Variants in SPOCK1 observed in about 807,000 individuals in gnomAD.
The protein encoded by SPOCK1 is SPARC (osteonectin), cwcv and kazal like domains proteoglycan 1.
A neutral mutation model predicts 55.3 loss-of-function variants in SPOCK1; 23 were observed. The ratio of observed to expected loss-of-function variants is 0.42; its 90% CI spans 0.30 to 0.59. SPOCK1 has a LOEUF of 0.59. Ranked by LOEUF, SPOCK1 falls within the 20% of genes least tolerant of loss-of-function variation. SPOCK1 has a pLI of 0.22. For synonymous variants in SPOCK1, 226 were observed against 221.0 expected, an observed-to-expected ratio of 1.02 and a Z score of -0.20; for missense variants, 499 against 552.5, an observed-to-expected ratio of 0.90 and a Z score of 0.97.
chr5:137,350,209 G>T (rs1179021897), intron 2 of SPOCK1, among the ~76,000 whole-genome samples: 1 of 152,154 alleles, frequency 6.6e-6, no homozygotes, highest in Non-Finnish European at 1.5e-5. Context: ...ATGGACAGAA[G>T]GAGAGCTGAG....
intron 2 of SPOCK1, among the ~76,000 whole-genome samples, chr5:137,359,314 G>A (rs906486265): frequency 6.6e-6 from 1 of 152,068 alleles, no homozygotes; most frequent in East Asian, 1.9e-4. Flanking sequence ...AATTGCCCAC[G>A]GGAAGGTGAG....
At chr5:137,450,513 G>A (rs550685033) in intron 2 of SPOCK1, among the ~76,000 whole-genome samples, 1 of 152,212 alleles carries the variant, frequency 6.6e-6, no homozygotes, top group Non-Finnish European at 1.5e-5. Context: ...TGACTTCATG[G>A]GTGTGTGACC....
At chr5:137,266,456 C>G (rs186993528) in intron 3 of SPOCK1, among the ~76,000 whole-genome samples, 11 of 152,266 alleles carry the variant, frequency 7.2e-5, no homozygotes, top group Admixed American at 2.6e-4. Context: ...TTGATGCTTG[C>G]TGGGGGAATG....
chr5:137,480,264 C>T (rs1265136134), intron 2 of SPOCK1, among the ~76,000 whole-genome samples: 2 of 150,812 alleles, frequency 1.3e-5, no homozygotes, highest in Non-Finnish European at 3.0e-5. Context: ...GTGTTTATGA[C>T]TGGTCTTAGA....
At position 137,140,615 on chromosome 5, in the gene SPOCK1, G is replaced by T. The variant is rs762294131; in HGVS notation, c.312C>A (p.Thr104=). ...GGTGCTTGCGGCTGACACACAGGGC[G>T]GTCTGGTAGTCCTGGGTCACACACA... ...HKVCVTQDYQ[T]ALCVSRKHLL... Residue 104 remains threonine, a synonymous_variant, in exon 4 of 11, where the codon ACC becomes ACA. Coordinates refer to ENST00000394945, the MANE Select transcript of SPOCK1 (RefSeq NM_004598.4). 7 of 1,613,902 alleles carry T rather than the reference G, an allele frequency of 4.3e-6. No individual in the cohort carries two copies. The highest frequency in any genetic ancestry group is 3.4e-6 in the Non-Finnish European group (4 of 1,179,960).
At chr5:137,358,322 C>G (rs1042285403) in intron 2 of SPOCK1, among the ~76,000 whole-genome samples, 5 of 151,650 alleles carry the variant, frequency 3.3e-5, no homozygotes, top group African/African-American at 4.9e-5. Flanking sequence ...GAGGACACAG[C>G]CTTGACCCAG....
chr5:137,039,434 T>G (rs921895505), intron 6 of SPOCK1, among the ~76,000 whole-genome samples: 1 of 152,186 alleles, frequency 6.6e-6, no homozygotes, highest in Non-Finnish European at 1.5e-5. Context: ...TAATGATCCA[T>G]TGAGTACTTG....
At chr5:137,028,933 T>C (rs934065839) in intron 6 of SPOCK1, among the ~76,000 whole-genome samples, 1 of 152,180 alleles carries the variant, frequency 6.6e-6, no homozygotes, top group Non-Finnish European at 1.5e-5. Flanking sequence ...CCTCAGTCCA[T>C]GGATGGTCAT....
At chr5:137,117,242 A>G (rs1447230367) in intron 4 of SPOCK1, among the ~76,000 whole-genome samples, 1 of 152,162 alleles carries the variant, frequency 6.6e-6, no homozygotes, top group East Asian at 1.9e-4. Context: ...GTGTCATGCA[A>G]ATTCAAGTCT....
At chr5:137,218,056 T>C (rs972074050) in intron 3 of SPOCK1, among the ~76,000 whole-genome samples, 2 of 152,146 alleles carry the variant, frequency 1.3e-5, no homozygotes, top group African/African-American at 2.4e-5. Flanking sequence ...AAGGCAGACA[T>C]GGCTAATCAA....
At chr5:137,302,579 A>AAAAT (rs56375242) in intron 2 of SPOCK1, among the ~76,000 whole-genome samples, 10,731 of 141,076 alleles carry the variant, frequency 0.076, 488 homozygotes, top group African/African-American at 0.12. Context: ...TCCATCTCAA[A>AAAAT]AAATAAATAA....
chr5:137,294,185 G>A (rs545555916), intron 2 of SPOCK1, among the ~76,000 whole-genome samples: 2 of 151,392 alleles, frequency 1.3e-5, no homozygotes, highest in East Asian at 1.9e-4. Flanking sequence ...CTTCTTTATC[G>A]AACCATATGG....
chr5:137,400,269 G>A (rs1468333506), intron 2 of SPOCK1, among the ~76,000 whole-genome samples: 1 of 152,152 alleles, frequency 6.6e-6, no homozygotes, highest in East Asian at 1.9e-4. Context: ...CTTGTAGCCT[G>A]TCACCACAAA....
chr5:137,024,314 A>AGGCGGGGGGGGG (rs71583270), intron 6 of SPOCK1, among the ~76,000 whole-genome samples: 1 of 119,262 alleles, frequency 8.4e-6, no homozygotes, highest in African/African-American at 3.2e-5. Context: ...ACCAGTTTGA[A>AGGCGGGGGGGGG]GGGGGGGGGG....
chr5:137,367,754 C>T (rs1323149862), intron 2 of SPOCK1, among the ~76,000 whole-genome samples: 1 of 152,232 alleles, frequency 6.6e-6, no homozygotes, highest in Admixed American at 6.5e-5. Flanking sequence ...TTCTCTTTCA[C>T]GTTGGAACCA....
intron 4 of SPOCK1, among the ~76,000 whole-genome samples, chr5:137,113,688 T>C (rs1297637776): frequency 6.6e-6 from 1 of 152,108 alleles, no homozygotes; most frequent in Non-Finnish European, 1.5e-5. Context: ...GCCTGCAAAA[T>C]AGGAAGCAGT....
intron 3 of SPOCK1, among the ~76,000 whole-genome samples, chr5:137,141,674 T>C (rs1045864019): frequency 6.6e-6 from 1 of 152,188 alleles, no homozygotes; most frequent in African/African-American, 2.4e-5. Context: ...AATATGTGAA[T>C]TGGATCTTGA....
chr5:137,467,000 G>T (rs1020400958), intron 2 of SPOCK1, among the ~76,000 whole-genome samples: 1 of 152,232 alleles, frequency 6.6e-6, no homozygotes, highest in Non-Finnish European at 1.5e-5. Context: ...ATGGTTGTTG[G>T]CAGGATTCAG....
intron 6 of SPOCK1, among the ~76,000 whole-genome samples, chr5:136,994,428 T>C (rs185411126): frequency 1.3e-4 from 20 of 152,254 alleles, no homozygotes; most frequent in Non-Finnish European, 2.6e-4. Flanking sequence ...CTTCCTTATC[T>C]GTAAAACTTC....
Sources: allele counts gnomAD v4.1 joint callset (sites outside exome capture counted in the v4.1 genomes callset), GRCh38; gene constraint gnomAD v4.1.1; transcripts MANE v1.5; gene names NCBI Gene and HGNC (gene_info 2026-07-23, HGNC 2026-07-21).